Variants in ST18 observed in about 807,000 individuals in gnomAD.
ST18 encodes suppression of tumorigenicity 18 protein.
ST18 carries 50 observed loss-of-function variants against 110.0 expected under a neutral mutation model. That is an observed-to-expected ratio of 0.45 (90% confidence interval 0.36 to 0.58). The LOEUF (loss-of-function observed/expected upper bound fraction) is 0.58, where lower values mean the gene tolerates loss of function less well. Ranked by LOEUF, ST18 falls within the 20% of genes least tolerant of loss-of-function variation. ST18 has a pLI of 0.00. For synonymous variants in ST18, 461 were observed against 452.4 expected, an observed-to-expected ratio of 1.02 and a Z score of -0.24; for missense variants, 1,306 against 1,280.1, an observed-to-expected ratio of 1.02 and a Z score of -0.31.
intron 16 of ST18, among the ~76,000 whole-genome samples, chr8:52,148,313 A>T (rs759903226): frequency 2.6e-5 from 4 of 152,228 alleles, no homozygotes; most frequent in Non-Finnish European, 4.4e-5. Context: ...GACTAAGGCC[A>T]GTATGACAGA....
chr8:52,192,476 T>C (rs2074857367), intron 8 of ST18, among the ~76,000 whole-genome samples: 2 of 152,168 alleles, frequency 1.3e-5, no homozygotes, highest in Non-Finnish European at 2.9e-5. Flanking sequence ...ATCATAAGAT[T>C]CACTGATACT....
At position 52,124,240 on chromosome 8, in the gene ST18, T is replaced by C. The variant is rs190806161; in HGVS notation, c.2755+1812A>G. Among the ~76,000 whole-genome samples the C allele has an allele frequency of 2.4e-3, 363 of 152,104 alleles. 1 individual carries two copies. Among genetic ancestry groups the C allele is most frequent in the African/African-American group, 8.2e-3 (339 of 41,496 alleles). ...GCCCAGGCTGGAGTGCGGTGGTGCT[T>C]TTTTGGCTCACTGCAACCTCTGCCT... is the stretch of plus-strand genomic sequence containing the variant. On this transcript the variant is annotated intron_variant, in intron 23 of 25. Transcript: ENST00000689386.
chr8:52,208,922 A>T (rs1488351882), intron 8 of ST18, among the ~76,000 whole-genome samples: 3 of 152,226 alleles, frequency 2.0e-5, no homozygotes, highest in Admixed American at 6.5e-5. Context: ...TAAAATTTCA[A>T]ATGATCACTT....
chr8:52,214,287 A>G lies in ST18; in HGVS notation c.1-30T>C, dbSNP rs368462282. ...AACATGAACACAAAGTCCTGAGGTC[A>G]TTCCTTTGACATTGACCAAAATATG... On this transcript the variant is annotated intron_variant, in intron 6 of 25. Transcript: ENST00000689386. 2.5e-5 allele frequency: 41 copies of G among 1,611,920 alleles called. No individual in the cohort carries two copies. In the African/African-American group the frequency reaches 5.3e-4, roughly 21 times the overall value.
chr8:52,328,317 G>A (rs1278061891), intron 2 of ST18, among the ~76,000 whole-genome samples: 1 of 152,186 alleles, frequency 6.6e-6, no homozygotes, highest in Non-Finnish European at 1.5e-5. Context: ...TATGTAAAAT[G>A]ACATTAGTAG....
intron 25 of ST18, 106 bp from the exon 26 acceptor site, chr8:52,113,444 G>A: frequency 1.5e-6 from 2 of 1,346,292 alleles, no homozygotes; most frequent in Admixed American, 3.6e-5. Flanking sequence ...GGGAGGGAAG[G>A]CAAGGGTGCA....
At chr8:52,292,634 C>T (rs2095573614) in intron 2 of ST18, among the ~76,000 whole-genome samples, 1 of 152,204 alleles carries the variant, frequency 6.6e-6, no homozygotes, top group Non-Finnish European at 1.5e-5. Context: ...CTTGGCTCAG[C>T]ATTCCTGTCA....
rs753272016 is a variant in ST18, at chr8:52,126,018, C to A, written c.2755+34G>T. ...TTGGGGAGCCAGGGTCTACACCCTG[C>A]AGGAGGTGGTGACAGCCAGCCCTGT... On this transcript the variant is annotated intron_variant, in intron 23 of 25. Coordinates refer to ENST00000689386, the MANE Select transcript of ST18 (RefSeq NM_001352837.2). The A allele has an allele frequency of 2.5e-6, 4 of 1,583,934 alleles. No individual in the cohort carries two copies. The African/African-American group carries it at 5.4e-5, about 21-fold the overall frequency.
At position 52,357,856 on chromosome 8, in the gene ST18, T is replaced by A. The variant is rs1222895931; in HGVS notation, c.-465+51472A>T. Among the ~76,000 whole-genome samples, 4 of 150,550 alleles carry A rather than the reference T, an allele frequency of 2.7e-5. No individual in the cohort carries two copies. In the East Asian group the frequency reaches 7.8e-4, roughly 29 times the overall value. The stretch of plus-strand genomic sequence containing the variant: ...AACAATAGCATAAGCCAGCTAGACC[T>A]AAAAGACATGTCTAGAGCGCTCCAC... On this transcript the variant is annotated intron_variant, in intron 2 of 25. Transcript: ENST00000689386.
At chr8:52,254,956 A>G (rs992451233) in intron 2 of ST18, among the ~76,000 whole-genome samples, 1 of 152,176 alleles carries the variant, frequency 6.6e-6, no homozygotes, top group Non-Finnish European at 1.5e-5. Context: ...AGGCACAGAT[A>G]CTGAAAAGAA....
In ST18 at chr8:52,242,140, A is replaced by T. The variant is rs1253065988; in HGVS notation, c.-464-12063T>A. Among the ~76,000 whole-genome samples, 5 of 152,364 alleles carry T rather than the reference A, an allele frequency of 3.3e-5. No homozygotes were observed. In the East Asian group the frequency reaches 9.6e-4, roughly 29 times the overall value. ...AAAAATGCTTGCAGATTAATCTATA[A>T]TAATTTGAGGAAACTATACAAGCAT... On this transcript the variant is annotated intron_variant, in intron 2 of 25. Transcript: ENST00000689386.
intron 19 of ST18, among the ~76,000 whole-genome samples, chr8:52,135,587 A>AGCCC (rs1563606922): frequency 6.6e-6 from 1 of 150,818 alleles, no homozygotes; most frequent in African/African-American, 2.4e-5. Context: ...AAAAAAAAAA[A>AGCCC]AAAAGAAAGA....
chr8:52,367,236 T>TCTCA (rs1554851169), intron 2 of ST18, among the ~76,000 whole-genome samples: 281 of 120,268 alleles, frequency 2.3e-3, no homozygotes, highest in African/African-American at 8.2e-3. Context: ...GGACCCTGTC[T>TCTCA]CACACACACA....
At chr8:52,350,772 G>C (rs1017359733) in intron 2 of ST18, among the ~76,000 whole-genome samples, 4 of 151,334 alleles carry the variant, frequency 2.6e-5, no homozygotes, top group Admixed American at 1.3e-4. Flanking sequence ...CCAGGCTGAA[G>C]TGCAGTGGCC....
chr8:52,278,012 T>C (rs529661697), intron 2 of ST18, among the ~76,000 whole-genome samples: 2 of 152,294 alleles, frequency 1.3e-5, no homozygotes, highest in African/African-American at 4.8e-5. Context: ...CAAAATATTA[T>C]AAAATTAATT....
intron 6 of ST18, 63 bp from the exon 7 acceptor site, chr8:52,214,320 G>A: frequency 1.3e-6 from 2 of 1,546,868 alleles, no homozygotes; most frequent in South Asian, 2.2e-5. Flanking sequence ...ATGAAAACAT[G>A]TAATTAGAAG....
chr8:52,248,700 A>AT (rs1326093754), intron 2 of ST18, among the ~76,000 whole-genome samples: 1 of 152,126 alleles, frequency 6.6e-6, no homozygotes, highest in African/African-American at 2.4e-5. Flanking sequence ...AGAAGCTTTG[A>AT]TTTTTTCCCA....
At chr8:52,177,206 C>G (rs1183076192) in intron 9 of ST18, among the ~76,000 whole-genome samples, 1 of 152,222 alleles carries the variant, frequency 6.6e-6, no homozygotes, top group East Asian at 1.9e-4. Context: ...AGCTCGTCTC[C>G]TCAGGAAGGA....
intron 2 of ST18, among the ~76,000 whole-genome samples, chr8:52,267,689 A>C (rs1250585159): frequency 2.0e-5 from 3 of 152,222 alleles, no homozygotes; most frequent in Non-Finnish European, 2.9e-5. Context: ...GATAAGTGTT[A>C]TACGTTTCCT....
Sources: gnomAD v4.1 joint callset for allele counts (sites outside exome capture counted in the v4.1 genomes callset) on GRCh38, gnomAD v4.1.1 for gene constraint, MANE v1.5 for transcripts, NCBI Gene and HGNC (gene_info 2026-07-23, HGNC 2026-07-21) for gene names.